RNF7: variants seen among roughly 807,000 people sequenced by gnomAD.
RNF7 encodes ring finger protein 7, also known as RING-box protein 2.
Under a neutral mutation model 17.0 loss-of-function variants are expected in RNF7, and 9 were observed. That is an observed-to-expected ratio of 0.53 (90% CI 0.32 to 0.92). RNF7 has a LOEUF of 0.92. RNF7 is among the 40% of genes least tolerant of loss of function. The pLI, the probability that RNF7 is intolerant of heterozygous loss-of-function variation, is 0.04. For missense variants in RNF7, 87 were observed against 145.8 expected (o/e 0.60, Z 2.08); for synonymous variants, 59 against 50.5 (o/e 1.17, Z -0.72).
At chr3:141,743,603 C>G (rs748219433) in intron 2 of RNF7, 47 bp downstream of exon 2, 20 of 1,361,490 alleles carry the variant, frequency 1.5e-5, no homozygotes, top group Non-Finnish European at 2.1e-5. Flanking sequence ...AAGGTTTTCT[C>G]TCAGTAGGGA....
At position 141,743,493 on chromosome 3, in the gene RNF7, A is replaced by G. The variant is rs763746670; in HGVS notation, c.176-16A>G. 18 of 1,604,068 alleles carry G rather than the reference A, an allele frequency of 1.1e-5. No homozygotes were observed. The highest frequency in any genetic ancestry group is 8.5e-6 in the Non-Finnish European group (10 of 1,174,232). The stretch of plus-strand genomic sequence containing the variant: ...TCTGAGCATCAGAATGAGAATCGCT[A>G]TTTGTTTACTTTTAGATGCCTGTCT... On this transcript the variant is annotated splice_polypyrimidine_tract_variant and intron_variant, in intron 1 of 2. Coordinates refer to ENST00000273480, the MANE Select transcript of RNF7 (RefSeq NM_014245.5).
In RNF7 at chr3:141,746,841, TTTTTC is replaced by T. The variant is rs2084479652; in HGVS notation, c.*1568_*1572del. ...TTTATTGATCACATTTCTCTGGAAA[TTTTTC>T]TTTATATTTTTTCACAGTTGTCTTT... On this transcript the variant is annotated 3_prime_UTR_variant, in exon 3 of 3. Coordinates refer to ENST00000273480, the MANE Select transcript of RNF7 (RefSeq NM_014245.5). The T allele has an allele frequency of 6.6e-6, 1 of 152,240 alleles. No homozygotes were observed. Among genetic ancestry groups the T allele is most frequent in the Non-Finnish European group, 1.5e-5 (1 of 68,042 alleles). The allele number at this position is 152,240 out of a possible 1,614,324, so 9.4% of individuals were successfully genotyped here.
At chr3:141,738,836 TA>T (rs2084385681) in intron 1 of RNF7, among the ~76,000 whole-genome samples, 1 of 152,204 alleles carries the variant, frequency 6.6e-6, no homozygotes, top group African/African-American at 2.4e-5. Context: ...ACCAAGAAAG[TA>T]AAACCGGGTG....
intron 1 of RNF7, among the ~76,000 whole-genome samples, chr3:141,742,317 C>T (rs985506781): frequency 1.4e-4 from 21 of 150,236 alleles, no homozygotes; most frequent in African/African-American, 5.2e-4. Flanking sequence ...AGCTCTGCCT[C>T]CTGGGTTCAC....
chr3:141,738,422 C>G lies in RNF7; in HGVS notation c.81C>G (p.Asp27Glu), dbSNP rs755895715. ...SGSSGSKSGG[D>E]KMFSLKKWNA... ...GCTCAGGCTCCAAGTCGGGAGGCGACAAGATGTTCTCCCTCAAGAAGTGGA... is the reference window on the plus strand; with the variant it reads ...GCTCAGGCTCCAAGTCGGGAGGCGAGAAGATGTTCTCCCTCAAGAAGTGGA... Residue 27 changes from aspartate to glutamate, a missense_variant, in exon 1 of 3, where the codon GAC becomes GAG. Physicochemically the swap from Asp to Glu is conservative, Grantham distance 45. This residue lies in a region of RNF7 where 51 missense variants were observed against 41.0 expected (regional missense o/e 1.24). Transcript: ENST00000273480. 3 of 1,612,132 alleles carry G rather than the reference C, an allele frequency of 1.9e-6. No homozygotes were observed.
At chr3:141,744,890 A>G (rs1160054956) in intron 2 of RNF7, among the ~76,000 whole-genome samples, 1 of 152,204 alleles carries the variant, frequency 6.6e-6, no homozygotes, top group East Asian at 1.9e-4. Flanking sequence ...CTTCAAGAAG[A>G]CAGCATGTGG....
At position 141,743,540 on chromosome 3, in the gene RNF7, A is replaced by G. The variant is rs1179587556; in HGVS notation, c.207A>G (p.Lys69=). ...DACLRCQAEN[K]QEDCVVVWGE... Reference sequence around the variant, plus strand: ...GTCTTAGATGTCAAGCTGAAAACAAACAAGAGGACTGTGTTGGTATGTTGT... The same window carrying G: ...GTCTTAGATGTCAAGCTGAAAACAAGCAAGAGGACTGTGTTGGTATGTTGT... The change falls in exon 2 of 3, where the codon AAA becomes AAG. Residue 69 remains lysine (K), a synonymous_variant. Transcript: ENST00000273480. The G allele has an allele frequency of 6.2e-7, 1 of 1,611,460 alleles. No homozygotes were observed. Among genetic ancestry groups the G allele is most frequent in the African/African-American group, 1.3e-5 (1 of 74,860 alleles).
chr3:141,742,940 T>A lies in RNF7; in HGVS notation c.176-569T>A, dbSNP rs187047041. ...TGGATGACTTTAAAAAACTTGTTTA[T>A]GAAGCAATTTTTTAATTTAATTTTT... On this transcript the variant is annotated intron_variant, in intron 1 of 2. Coordinates refer to ENST00000273480, the MANE Select transcript of RNF7 (RefSeq NM_014245.5). The A allele has an allele frequency of 2.9e-6, 3 of 1,022,704 alleles. No individual in the cohort carries two copies. In the East Asian group the frequency reaches 3.1e-4, roughly 106 times the overall value. The allele number at this position is 1,022,704 out of a possible 1,614,324, so 63.4% of individuals were successfully genotyped here.
intron 1 of RNF7, among the ~76,000 whole-genome samples, chr3:141,741,113 T>A (rs1228376235): frequency 6.6e-6 from 1 of 152,246 alleles, no homozygotes; most frequent in Admixed American, 6.5e-5. Context: ...ATATTTCACA[T>A]AACTTTTTGG....
chr3:141,742,461 C>G (rs1022327674), intron 1 of RNF7, among the ~76,000 whole-genome samples: 1 of 151,832 alleles, frequency 6.6e-6, no homozygotes, highest in Non-Finnish European at 1.5e-5. Context: ...CTCCTGACCT[C>G]GTGATCCGCC....
intron 2 of RNF7, among the ~76,000 whole-genome samples, chr3:141,743,893 AC>A (rs2084445806): frequency 6.6e-6 from 1 of 152,218 alleles, no homozygotes; most frequent in African/African-American, 2.4e-5. Context: ...GTTATAGGTC[AC>A]TTTTGGTTCT....
At position 141,745,874 on chromosome 3, in the gene RNF7, A is replaced by G. The variant is rs2084466513; in HGVS notation, c.*597A>G. 6.6e-6 allele frequency: 1 copy of G among 152,024 alleles called. No individual in the cohort carries two copies. The highest frequency in any genetic ancestry group is 2.4e-5 in the African/African-American group (1 of 41,366). 9.4% of individuals were successfully genotyped at this position (152,024 alleles called of 1,614,324 possible). On this transcript the variant is annotated 3_prime_UTR_variant, in exon 3 of 3. Coordinates refer to ENST00000273480, the MANE Select transcript of RNF7 (RefSeq NM_014245.5). ...GCCTTTAAAGTTACTATTCTGTATC[A>G]TTGATTCATCAAGAAAACCTAGATC...
chr3:141,739,248 C>T (rs566882974), intron 1 of RNF7, among the ~76,000 whole-genome samples: 7 of 152,328 alleles, frequency 4.6e-5, no homozygotes, highest in East Asian at 1.9e-4. Context: ...CCATCACACC[C>T]CCCTCTCCAT....
At chr3:141,739,422 T>G (rs1256812120) in intron 1 of RNF7, among the ~76,000 whole-genome samples, 2 of 152,252 alleles carry the variant, frequency 1.3e-5, no homozygotes, top group Non-Finnish European at 2.9e-5. Flanking sequence ...TATATGGTTC[T>G]AAGAACTCAG....
chr3:141,738,458 C>A lies in RNF7; in HGVS notation c.117C>A (p.Ala39=). 6.2e-7 allele frequency: 1 copy of A among 1,613,760 alleles called. No individual in the cohort carries two copies. Among genetic ancestry groups the A allele is most frequent in the Non-Finnish European group, 8.5e-7 (1 of 1,179,812 alleles). ...CCCTCAAGAAGTGGAACGCGGTGGCCATGTGGAGCTGGGACGTGGAGTGCG... is the reference window on the plus strand; with the variant it reads ...CCCTCAAGAAGTGGAACGCGGTGGCAATGTGGAGCTGGGACGTGGAGTGCG... ...MFSLKKWNAV[A]MWSWDVECDT... The change falls in exon 1 of 3, where the codon GCC becomes GCA. Residue 39 remains alanine, a synonymous_variant. Transcript: ENST00000273480.
At chr3:141,743,088 T>C (rs2084437698) in intron 1 of RNF7, 1 of 197,714 alleles carries the variant, frequency 5.1e-6, no homozygotes, top group African/African-American at 2.4e-5. Context: ...TCCTTGGGTA[T>C]CCTAGTGTTT....
intron 1 of RNF7, among the ~76,000 whole-genome samples, chr3:141,740,188 CAA>C (rs2084402479): frequency 6.9e-6 from 1 of 145,112 alleles, no homozygotes; most frequent in Non-Finnish European, 1.5e-5. Context: ...TTTTTTAAGA[CAA>C]GTTTCGCTAA....
intron 1 of RNF7, among the ~76,000 whole-genome samples, chr3:141,740,547 G>A (rs1216830277): frequency 6.6e-6 from 1 of 152,156 alleles, no homozygotes; most frequent in Non-Finnish European, 1.5e-5. Context: ...TTTGGGTTCA[G>A]GAAATTATTC....
At chr3:141,742,879 T>C (rs543002726) in intron 1 of RNF7, 215 of 1,102,598 alleles carry the variant, frequency 1.9e-4, no homozygotes, top group Non-Finnish European at 2.4e-4. Context: ...TTGCTTCTTA[T>C]GAGTTGCTAA....
Sources: gnomAD v4.1 joint callset for allele counts (sites outside exome capture counted in the v4.1 genomes callset) on GRCh38, gnomAD v4.1.1 for gene constraint, gnomAD v4.1.1 regional missense constraint, MANE v1.5 for transcripts, NCBI Gene and HGNC (gene_info 2026-07-23, HGNC 2026-07-21) for gene names.